Variants in POLR3A observed in about 807,000 individuals in gnomAD.
The protein encoded by POLR3A is RNA polymerase III subunit A.
In POLR3A, 112 loss-of-function variants were observed where a neutral mutation model predicts 152.8. That is an observed-to-expected ratio of 0.73 (90% CI 0.63 to 0.86). The LOEUF is 0.86. Among genes scored for constraint, POLR3A ranks in the 40% least tolerant of loss-of-function variants. The pLI is 0.00. For synonymous variants in POLR3A, 615 were observed against 652.1 expected, an observed-to-expected ratio of 0.94 and a Z score of 0.87; for missense variants, 1,385 against 1,743.1, an observed-to-expected ratio of 0.79 and a Z score of 3.66.
chr10:78,008,978 C>T (rs539132530), intron 14 of POLR3A, among the ~76,000 whole-genome samples: 2 of 151,352 alleles, frequency 1.3e-5, no homozygotes, highest in South Asian at 2.1e-4. Flanking sequence ...CACGGTGAAA[C>T]CCCGTCTCTA....
chr10:77,980,949 G>T (rs1190443512), intron 29 of POLR3A, among the ~76,000 whole-genome samples: 3 of 151,270 alleles, frequency 2.0e-5, no homozygotes, highest in Non-Finnish European at 2.9e-5. Context: ...AGGGAAATAC[G>T]TTTTTTTTGG....
intron 11 of POLR3A, among the ~76,000 whole-genome samples, chr10:78,012,176 C>T (rs544676335): frequency 7.9e-5 from 12 of 152,136 alleles, no homozygotes; most frequent in South Asian, 2.1e-4. Flanking sequence ...ACCAGCCTGA[C>T]GAATGTGGTG....
intron 11 of POLR3A, among the ~76,000 whole-genome samples, chr10:78,011,003 C>A (rs747307632): frequency 6.6e-6 from 1 of 152,122 alleles, no homozygotes; most frequent in Non-Finnish European, 1.5e-5. Flanking sequence ...CATCATCATG[C>A]CCAGCTAAGT....
In POLR3A at chr10:78,022,360, G is replaced by T. The variant is rs747794005; in HGVS notation, c.670C>A (p.Leu224Met). ...AQENLNPLVVLNLFKRIPAED... is the reference protein window; with the variant it reads ...AQENLNPLVVMNLFKRIPAED... Reference sequence around the variant, plus strand: ...GCTGGGATTCGTTTAAATAAATTCAGAACTACTAAGGGATTCAAGTTTTCC... The same window carrying T: ...GCTGGGATTCGTTTAAATAAATTCATAACTACTAAGGGATTCAAGTTTTCC... Residue 224 changes from leucine (L) to methionine (M), a missense_variant, in exon 6 of 31, where the codon CTG becomes ATG. This residue lies in a region of POLR3A where 493 missense variants were observed against 647.5 expected (regional missense o/e 0.76). Coordinates refer to ENST00000372371, the MANE Select transcript of POLR3A (RefSeq NM_007055.4). 1.2e-6 allele frequency: 2 copies of T among 1,613,894 alleles called. No homozygotes were observed. The highest frequency in any genetic ancestry group is 8.5e-7 in the Non-Finnish European group (1 of 1,179,932).
At chr10:77,989,806 G>A (rs1847230495) in intron 21 of POLR3A, among the ~76,000 whole-genome samples, 1 of 152,032 alleles carries the variant, frequency 6.6e-6, no homozygotes, top group African/African-American at 2.4e-5. Flanking sequence ...ACGTAAACAT[G>A]AGCGTGAAGA....
chr10:78,010,517 C>T lies in POLR3A; in HGVS notation c.1596G>A (p.Pro532=), dbSNP rs774589725. The change falls in exon 12 of 31, where the codon CCG becomes CCA. Residue 532 remains proline (P), a synonymous_variant. Coordinates refer to ENST00000372371, the MANE Select transcript of POLR3A (RefSeq NM_007055.4). The part of the protein sequence containing the change: ...LMGTKANLVT[P]RNGEPLIAAI... ...CAGCAATCAGCGGTTCCCCATTCCT[C>T]GGGGTTACAAGATTTGCTTTAGTCT... 1.6e-5 allele frequency: 26 copies of T among 1,613,900 alleles called. No individual in the cohort carries two copies. The highest frequency in any genetic ancestry group is 4.5e-5 in the East Asian group (2 of 44,894).
At chr10:78,007,444 C>A (rs1329002949) in intron 15 of POLR3A, among the ~76,000 whole-genome samples, 1 of 152,214 alleles carries the variant, frequency 6.6e-6, no homozygotes, top group African/African-American at 2.4e-5. Flanking sequence ...TAATCTAACC[C>A]TGTCTAGAAG....
At chr10:78,012,063 A>C (rs1474194119) in intron 11 of POLR3A, among the ~76,000 whole-genome samples, 1 of 152,206 alleles carries the variant, frequency 6.6e-6, no homozygotes, top group Non-Finnish European at 1.5e-5. Context: ...ATATATGCTC[A>C]TTATAGAAAA....
intron 14 of POLR3A, 113 bp from the exon 15 acceptor site, chr10:78,007,979 C>A: frequency 3.3e-5 from 9 of 272,994 alleles, no homozygotes; most frequent in East Asian, 1.5e-4. Flanking sequence ...TAAAGCAGAA[C>A]AAACAGAAAT....
chr10:77,995,940 A>G (rs904018880), intron 19 of POLR3A, among the ~76,000 whole-genome samples: 1 of 152,240 alleles, frequency 6.6e-6, no homozygotes, highest in African/African-American at 2.4e-5. Context: ...ATGTAAAAGA[A>G]CAGAAATTAT....
chr10:78,027,573 CAG>C (rs1456691025), intron 1 of POLR3A, among the ~76,000 whole-genome samples: 1 of 151,580 alleles, frequency 6.6e-6, no homozygotes, highest in Admixed American at 6.6e-5. Flanking sequence ...TTCCCTGAGA[CAG>C]AGTCTTGCTC....
chr10:78,013,875 C>T lies in POLR3A; in HGVS notation c.1432-85G>A, dbSNP rs564605368. On this transcript the variant is annotated intron_variant, in intron 10 of 30. Transcript: ENST00000372371. The stretch of plus-strand genomic sequence containing the variant: ...CTCTGTTTTGAAACATTAAAAATGG[C>T]TTCCTGGAATACTGGGCACTGGCTT... The T allele has an allele frequency of 1.6e-5, 25 of 1,524,634 alleles. No homozygotes were observed. The East Asian group carries it at 3.4e-4, about 21-fold the overall frequency. 94.4% of individuals were successfully genotyped at this position (1,524,634 alleles called of 1,614,324 possible).
At chr10:78,019,094 T>A in intron 9 of POLR3A, 68 bp downstream of exon 9, 1 of 1,070,456 alleles carries the variant, frequency 9.3e-7, no homozygotes, top group Non-Finnish European at 1.5e-6. Flanking sequence ...ATTCTGTGGC[T>A]GAGTATGACC....
Position 77,985,253 on chromosome 10 carries a change from G to A in POLR3A, c.3159C>T (p.Phe1053=). The change falls in exon 24 of 31, where the codon TTC becomes TTT. Residue 1053 remains phenylalanine (F), a synonymous_variant. Coordinates refer to ENST00000372371, the MANE Select transcript of POLR3A (RefSeq NM_007055.4). The part of the protein sequence containing the change: ...EPGTQMTLKT[F]HFAGVASMNI... ...TCATGGAGGCCACACCTGCAAAGTG[G>A]AAAGTCTTCAGGGTCATCTGGGTGC... 6.2e-7 allele frequency: 1 copy of A among 1,613,998 alleles called. No individual in the cohort carries two copies. The highest frequency in any genetic ancestry group is 2.2e-5 in the East Asian group (1 of 44,878).
Position 77,976,846 on chromosome 10 carries a change from A to G in POLR3A, c.*632T>C, listed in dbSNP as rs1452420671. ...GCCTCATGACAGTTGCACCTCAGTT[A>G]CAAATCCCAGACGGCTCTATTTGCT... On this transcript the variant is annotated 3_prime_UTR_variant, in exon 31 of 31. Coordinates refer to ENST00000372371, the MANE Select transcript of POLR3A (RefSeq NM_007055.4). 1 of 153,876 alleles carries G rather than the reference A, an allele frequency of 6.5e-6. No homozygotes were observed. The highest frequency in any genetic ancestry group is 1.4e-5 in the Non-Finnish European group (1 of 69,254). The allele number at this position is 153,876 out of a possible 1,614,324, so 9.5% of individuals were successfully genotyped here. A position where few individuals can be genotyped will look rare whatever the true frequency, so the allele number is the denominator to read the frequency against.
chr10:77,977,683 G>T, intron 30 of POLR3A, 57 bp from the exon 31 acceptor site: 2 of 1,450,740 alleles, frequency 1.4e-6, no homozygotes, highest in Non-Finnish European at 1.9e-6. Flanking sequence ...ACATTTTCAC[G>T]AAGAAAGACT....
chr10:78,003,973 C>T (rs987331872), intron 16 of POLR3A, among the ~76,000 whole-genome samples: 8 of 151,954 alleles, frequency 5.3e-5, no homozygotes, highest in Non-Finnish European at 1.0e-4. Flanking sequence ...TAGTGGCTTA[C>T]ACCTGTAATC....
In POLR3A at chr10:77,976,186, G is replaced by C. The variant is rs1480564471; in HGVS notation, c.*1292C>G. 6.7e-6 allele frequency: 1 copy of C among 150,026 alleles called. No individual in the cohort carries two copies. Among genetic ancestry groups the C allele is most frequent in the Non-Finnish European group, 1.5e-5 (1 of 67,680 alleles). 9.3% of individuals were successfully genotyped at this position (150,026 alleles called of 1,614,324 possible). ...GCTTTGTTGCCCAGGCTGGAGTGTAGTGGCACGATCTTGGCTCACTACAAC... is the reference window on the plus strand; with the variant it reads ...GCTTTGTTGCCCAGGCTGGAGTGTACTGGCACGATCTTGGCTCACTACAAC... On this transcript the variant is annotated 3_prime_UTR_variant, in exon 31 of 31. Coordinates refer to ENST00000372371, the MANE Select transcript of POLR3A (RefSeq NM_007055.4).
At chr10:78,017,466 G>T in intron 10 of POLR3A, 109 bp downstream of exon 10, 8 of 1,116,806 alleles carry the variant, frequency 7.2e-6, no homozygotes, top group Admixed American at 4.4e-5. Context: ...AAAAAGTTAT[G>T]AAAACTTGAG....
Sources: gnomAD v4.1 joint callset for allele counts (sites outside exome capture counted in the v4.1 genomes callset) on GRCh38, gnomAD v4.1.1 for gene constraint, gnomAD v4.1.1 regional missense constraint, MANE v1.5 for transcripts, NCBI Gene and HGNC (gene_info 2026-07-23, HGNC 2026-07-21) for gene names.